The following RELN variants were observed in gnomAD, a reference collection of about 807,000 sequenced individuals.
RELN encodes the protein reelin.
A neutral mutation model predicts 427.6 loss-of-function variants in RELN; 108 were observed. The ratio of observed to expected loss-of-function variants is 0.25; its 90% CI spans 0.22 to 0.30. RELN has a LOEUF of 0.30. Among genes scored for constraint, RELN ranks in the 10% least tolerant of loss-of-function variants. The pLI is 1.00. For synonymous variants in RELN, 1,524 were observed against 1,513.4 expected, an observed-to-expected ratio of 1.01 and a Z score of -0.16; for missense variants, 3,715 against 4,302.8, an observed-to-expected ratio of 0.86 and a Z score of 3.82.
At chr7:103,867,808 A>T (rs1794235296) in intron 2 of RELN, among the ~76,000 whole-genome samples, 1 of 152,060 alleles carries the variant, frequency 6.6e-6, no homozygotes, top group South Asian at 2.1e-4. Context: ...GAATAGTAAG[A>T]GAGAAAAAAA....
In RELN at chr7:103,611,424, C is replaced by T. The variant is rs139812288; in HGVS notation, c.2895+187G>A. Among the ~76,000 whole-genome samples, 21 of 152,196 alleles carry T rather than the reference C, an allele frequency of 1.4e-4. No individual in the cohort carries two copies. In the East Asian group the frequency reaches 3.9e-3, roughly 28 times the overall value. ...TTTCCAATTATTCTTTAATATCTGT[C>T]ATGAAGAATGTGGCATTTTTGTAAT... On this transcript the variant is annotated intron_variant, in intron 21 of 64. Transcript: ENST00000428762.
chr7:103,718,918 G>C (rs565410756), intron 8 of RELN, among the ~76,000 whole-genome samples: 3 of 152,164 alleles, frequency 2.0e-5, no homozygotes, highest in African/African-American at 7.2e-5. Context: ...AATTCTTTTA[G>C]AGTGACTCAA....
intron 3 of RELN, among the ~76,000 whole-genome samples, chr7:103,804,480 T>C (rs960614989): frequency 6.6e-6 from 1 of 152,136 alleles, no homozygotes. Flanking sequence ...AAGCATTTCT[T>C]ACTGTGTGGC....
intron 44 of RELN, chr7:103,539,628 T>C (rs1163331903): frequency 4.6e-6 from 2 of 431,552 alleles, no homozygotes; most frequent in Non-Finnish European, 8.6e-6. Context: ...ATTTGGCTTA[T>C]GTGTGATTAT....
chr7:103,560,518 A>T (rs1830618942), intron 36 of RELN, among the ~76,000 whole-genome samples: 1 of 152,130 alleles, frequency 6.6e-6, no homozygotes, highest in Non-Finnish European at 1.5e-5. Context: ...TCAGATAAAG[A>T]TCTTTCAATC....
At chr7:103,837,033 ATG>A (rs1563042152) in intron 2 of RELN, among the ~76,000 whole-genome samples, 2 of 144,706 alleles carry the variant, frequency 1.4e-5, no homozygotes, top group Admixed American at 1.3e-4. Context: ...ATATTCTCCT[ATG>A]TTTTCTTTCT....
chr7:103,530,744 A>C (rs1273665338), intron 46 of RELN, among the ~76,000 whole-genome samples: 1 of 152,018 alleles, frequency 6.6e-6, no homozygotes, highest in Non-Finnish European at 1.5e-5. Context: ...TTACCCACCT[A>C]ATTCCTAGCC....
At chr7:103,504,771 G>A (rs1446982148) in intron 51 of RELN, among the ~76,000 whole-genome samples, 1 of 152,154 alleles carries the variant, frequency 6.6e-6, no homozygotes, top group Admixed American at 6.5e-5. Context: ...CATTCCCTTC[G>A]GTGCCTGGCT....
At chr7:103,661,236 G>T (rs1833132460) in intron 12 of RELN, 140 bp downstream of exon 12, 1 of 919,066 alleles carries the variant, frequency 1.1e-6, no homozygotes, top group African/African-American at 1.6e-5. Flanking sequence ...AGTACCACAG[G>T]CTTCTGCTCT....
chr7:103,826,320 A>ATGTGTGTGTGTGTG (rs71154374), intron 3 of RELN, among the ~76,000 whole-genome samples: 1,337 of 121,994 alleles, frequency 0.011, 11 homozygotes, highest in African/African-American at 0.016. Context: ...GACTAAGACA[A>ATGTGTGTGTGTGTG]TGTGTGTGTG....
rs1831732974 is a variant in RELN at position 103,603,612 on chromosome 7, T to C, written c.3147-122A>G. The C allele has an allele frequency of 1.3e-6, 1 of 772,524 alleles. No individual in the cohort carries two copies. Among genetic ancestry groups the C allele is most frequent in the Non-Finnish European group, 2.3e-6 (1 of 438,014 alleles). 47.9% of individuals were successfully genotyped at this position (772,524 alleles called of 1,614,324 possible). A position where few individuals can be genotyped will look rare whatever the true frequency, so the allele number is the denominator to read the frequency against. On this transcript the variant is annotated intron_variant, in intron 23 of 64. Transcript: ENST00000428762. This position sits in a 1 kb window ranked among gnomAD's most constrained non-coding sequence, Gnocchi z 4.3. ...AGGTCTTATCATTCACACTAGATTCTTCCCTACAGTGTTAATCTGGGTATG... is the reference window on the plus strand; with the variant it reads ...AGGTCTTATCATTCACACTAGATTCCTCCCTACAGTGTTAATCTGGGTATG...
chr7:103,744,134 G>T (rs1310647344), intron 6 of RELN, among the ~76,000 whole-genome samples: 1 of 152,146 alleles, frequency 6.6e-6, no homozygotes, highest in Admixed American at 6.5e-5. Flanking sequence ...CAACTACATG[G>T]AAACTGAACA....
intron 3 of RELN, among the ~76,000 whole-genome samples, chr7:103,828,750 G>T (rs1031735709): frequency 4.6e-5 from 7 of 151,822 alleles, no homozygotes; most frequent in African/African-American, 1.4e-4. Flanking sequence ...GAATTTTAAA[G>T]TGGCACCTCT....
At chr7:103,617,191 A>G (rs1832100706) in intron 20 of RELN, among the ~76,000 whole-genome samples, 1 of 152,120 alleles carries the variant, frequency 6.6e-6, no homozygotes, top group Admixed American at 6.5e-5. Context: ...AAGCCTTTTC[A>G]TGGACTTTGC....
chr7:103,678,080 A>T (rs1397513200), intron 11 of RELN, among the ~76,000 whole-genome samples: 1 of 152,200 alleles, frequency 6.6e-6, no homozygotes, highest in Non-Finnish European at 1.5e-5. Flanking sequence ...TACTGTCTTG[A>T]TTCCAGCTTT....
chr7:103,810,826 A>T (rs940452959), intron 3 of RELN, among the ~76,000 whole-genome samples: 3 of 152,174 alleles, frequency 2.0e-5, no homozygotes, highest in Non-Finnish European at 4.4e-5. Flanking sequence ...TTTTAAAGAA[A>T]TTACCATATA....
chr7:103,637,495 T>C (rs1832607627), intron 17 of RELN, among the ~76,000 whole-genome samples: 1 of 152,192 alleles, frequency 6.6e-6, no homozygotes, highest in Admixed American at 6.6e-5. Flanking sequence ...TGTAAAAATA[T>C]GCTAAATCAA....
chr7:103,588,479 C>T (rs1021738055), intron 28 of RELN, among the ~76,000 whole-genome samples: 1 of 152,072 alleles, frequency 6.6e-6, no homozygotes, highest in African/African-American at 2.4e-5. Flanking sequence ...TGCTTGATAG[C>T]AGAGAAGGGT....
chr7:103,629,870 G>T (rs1832412870), intron 20 of RELN, 70 bp downstream of exon 20: 2 of 974,044 alleles, frequency 2.1e-6, no homozygotes, highest in East Asian at 2.4e-5. Flanking sequence ...ATGCTGAATA[G>T]ACTGGAAGAT....
Sources: allele counts gnomAD v4.1 joint callset (sites outside exome capture counted in the v4.1 genomes callset), GRCh38; gene constraint gnomAD v4.1.1; non-coding constraint Gnocchi (gnomAD v3.1); transcripts MANE v1.5; gene names NCBI Gene and HGNC (gene_info 2026-07-23, HGNC 2026-07-21).